The following ATP11A variants were observed in gnomAD, a reference collection of about 807,000 sequenced individuals.
The protein encoded by ATP11A is ATPase phospholipid transporting 11A, also known as phospholipid-transporting ATPase IH.
Under a neutral mutation model 154.4 loss-of-function variants are expected in ATP11A, and 81 were observed. The ratio of observed to expected loss-of-function variants is 0.52; its 90% CI spans 0.44 to 0.63. The LOEUF is 0.63. Among genes scored for constraint, ATP11A ranks in the 30% least tolerant of loss-of-function variants. ATP11A has a pLI of 0.00. For synonymous variants in ATP11A, 623 were observed against 585.9 expected, an observed-to-expected ratio of 1.06 and a Z score of -0.91; for missense variants, 1,316 against 1,474.3, an observed-to-expected ratio of 0.89 and a Z score of 1.76.
At chr13:112,854,669 C>T in intron 19 of ATP11A, 139 bp downstream of exon 19, 1 of 1,034,610 alleles carries the variant, frequency 9.7e-7, no homozygotes, top group Non-Finnish European at 1.4e-6. Flanking sequence ...ATGCCAGCTT[C>T]TTAGGGGTCA....
intron 1 of ATP11A, among the ~76,000 whole-genome samples, chr13:112,766,689 A>G (rs1207748387): frequency 6.6e-6 from 1 of 151,964 alleles, no homozygotes; most frequent in African/African-American, 2.4e-5. Flanking sequence ...GAAGCACCTG[A>G]GGGAGTCTGC....
intron 1 of ATP11A, among the ~76,000 whole-genome samples, chr13:112,704,404 C>T (rs1886919236): frequency 6.6e-6 from 1 of 152,256 alleles, no homozygotes; most frequent in South Asian, 2.1e-4. Context: ...CAAGTGGCTC[C>T]AGCACTCAGC....
chr13:112,873,921 C>T (rs950304992), intron 27 of ATP11A, among the ~76,000 whole-genome samples: 2 of 152,064 alleles, frequency 1.3e-5, no homozygotes, highest in African/African-American at 2.4e-5. Context: ...CAGCTTGTGA[C>T]GAGTTATACG....
chr13:112,802,570 A>C (rs937019956), intron 2 of ATP11A, among the ~76,000 whole-genome samples: 3 of 151,650 alleles, frequency 2.0e-5, no homozygotes, highest in Admixed American at 6.6e-5. Context: ...AAAAAAAAAA[A>C]AAACCCAGCA....
intron 1 of ATP11A, among the ~76,000 whole-genome samples, chr13:112,751,694 C>G (rs2076695470): frequency 6.6e-6 from 1 of 151,650 alleles, no homozygotes; most frequent in Non-Finnish European, 1.5e-5. Context: ...AAAAAACAGA[C>G]ATTGGCCCTT....
intron 1 of ATP11A, among the ~76,000 whole-genome samples, chr13:112,762,505 G>A (rs1379000730): frequency 1.3e-5 from 2 of 152,062 alleles, no homozygotes; most frequent in Non-Finnish European, 2.9e-5. Context: ...AGTCCCGGCC[G>A]TGGTTCGGAG....
In ATP11A at chr13:112,805,033, T is replaced by C; in HGVS notation, c.239T>C (p.Ile80Thr). 2 of 1,610,270 alleles carry C rather than the reference T, an allele frequency of 1.2e-6. No individual in the cohort carries two copies. The highest frequency in any genetic ancestry group is 1.7e-6 in the Non-Finnish European group (2 of 1,178,030). Residue 80 changes from isoleucine to threonine, a missense_variant, in exon 3 of 30, where the codon ATA (isoleucine) becomes ACA (threonine). This residue lies in a region of ATP11A where 123 missense variants were observed against 113.7 expected (regional missense o/e 1.08). Coordinates refer to ENST00000375645, the MANE Select transcript of ATP11A (RefSeq NM_015205.3). Reference protein sequence around the residue: ...RRVANFYFLIIFLVQLIIDTP... With the variant: ...RRVANFYFLITFLVQLIIDTP... ...GTAGCCAACTTTTATTTCCTTATCA[T>C]ATTTCTGGTGCAGGTAAGGCCGGTC...
At chr13:112,830,595 A>T (rs2079059164) in intron 12 of ATP11A, among the ~76,000 whole-genome samples, 1 of 152,228 alleles carries the variant, frequency 6.6e-6, no homozygotes, top group South Asian at 2.1e-4. Context: ...AAATAAAAAT[A>T]AAAATGCTTT....
chr13:112,862,629 A>G lies in ATP11A; in HGVS notation c.2991+54A>G. 5 of 1,610,160 alleles carry G rather than the reference A, an allele frequency of 3.1e-6. No homozygotes were observed. The South Asian group carries it at 5.5e-5, about 18-fold the overall frequency. On this transcript the variant is annotated intron_variant, in intron 25 of 29. Transcript: ENST00000375645. ...TAGCTGCTTAGGAATAAAGCCTCCC[A>G]AGCCCATATGATGATTTTGCCAAAG...
At chr13:112,699,799 T>C (rs1236390131) in intron 1 of ATP11A, among the ~76,000 whole-genome samples, 1 of 152,210 alleles carries the variant, frequency 6.6e-6, no homozygotes, top group African/African-American at 2.4e-5. Flanking sequence ...CTGGCTCTGC[T>C]CTGAGCCATT....
chr13:112,722,914 G>A (rs1369233457), intron 1 of ATP11A, among the ~76,000 whole-genome samples: 3 of 152,064 alleles, frequency 2.0e-5, no homozygotes, highest in Non-Finnish European at 2.9e-5. Context: ...TAAAGTAGGC[G>A]GATTCAGAAA....
intron 25 of ATP11A, among the ~76,000 whole-genome samples, chr13:112,870,657 A>C (rs1036949905): frequency 6.6e-6 from 1 of 152,240 alleles, no homozygotes; most frequent in Non-Finnish European, 1.5e-5. Flanking sequence ...GATTACAGGC[A>C]TGAGCCACCA....
chr13:112,743,162 C>G (rs1444554503), intron 1 of ATP11A, among the ~76,000 whole-genome samples: 1 of 152,216 alleles, frequency 6.6e-6, no homozygotes, highest in Non-Finnish European at 1.5e-5. Context: ...TGCTTACTCC[C>G]TGTGATGAAC....
At chr13:112,871,141 G>C (rs1354100938) in intron 25 of ATP11A, among the ~76,000 whole-genome samples, 3 of 152,206 alleles carry the variant, frequency 2.0e-5, no homozygotes, top group African/African-American at 7.2e-5. Context: ...CTGCATGGGT[G>C]CCTGGGGTGT....
At chr13:112,804,813 ACT>A in intron 2 of ATP11A, 142 bp from the exon 3 acceptor site, 2 of 505,120 alleles carry the variant, frequency 4.0e-6, no homozygotes, top group Non-Finnish European at 6.8e-6. Flanking sequence ...GTCAACAAAC[ACT>A]CTAAATTATG....
chr13:112,713,532 T>C (rs1200409501), intron 1 of ATP11A, among the ~76,000 whole-genome samples: 2 of 151,988 alleles, frequency 1.3e-5, no homozygotes, highest in Non-Finnish European at 2.9e-5. Context: ...AATTGTGCAC[T>C]GCATAAGTGA....
intron 28 of ATP11A, among the ~76,000 whole-genome samples, chr13:112,877,250 C>T (rs1385690782): frequency 6.6e-6 from 1 of 152,186 alleles, no homozygotes; most frequent in Non-Finnish European, 1.5e-5. Context: ...GGCTGAGACT[C>T]CGCGGCCCCC....
chr13:112,767,107 G>A (rs866028104), intron 1 of ATP11A, among the ~76,000 whole-genome samples: 1 of 1,460 alleles, frequency 6.8e-4, no homozygotes, highest in Non-Finnish European at 1.3e-3. Flanking sequence ...GGTGGGGAGG[G>A]TGTGGGAGTG....
At chr13:112,740,779 T>G (rs1227666625) in intron 1 of ATP11A, among the ~76,000 whole-genome samples, 1 of 152,132 alleles carries the variant, frequency 6.6e-6, no homozygotes, top group African/African-American at 2.4e-5. Context: ...CAGAGAAGCT[T>G]CTGGAAGCTG....
Sources: gnomAD v4.1 joint callset for allele counts (sites outside exome capture counted in the v4.1 genomes callset) on GRCh38, gnomAD v4.1.1 for gene constraint, gnomAD v4.1.1 regional missense constraint, MANE v1.5 for transcripts, NCBI Gene and HGNC (gene_info 2026-07-23, HGNC 2026-07-21) for gene names.